The following RAD51B variants were observed in gnomAD, a reference collection of about 807,000 sequenced individuals.
The protein encoded by RAD51B is RAD51 paralog B, also known as DNA repair protein RAD51 homolog 2.
In RAD51B, 38 loss-of-function variants were observed where a neutral mutation model predicts 42.2. The observed-to-expected ratio is 0.90, with a 90% CI of 0.70 to 1.18. The LOEUF (loss-of-function observed/expected upper bound fraction) is 1.18, where lower values mean the gene tolerates loss of function less well. Ranked by LOEUF, RAD51B falls within the 50% of genes most tolerant of loss-of-function variation. RAD51B has a pLI of 0.00. For missense variants in RAD51B, 373 were observed against 400.7 expected (o/e 0.93, Z 0.59); for synonymous variants, 154 against 145.2 (o/e 1.06, Z -0.43).
intron 7 of RAD51B, among the ~76,000 whole-genome samples, chr14:68,252,591 CT>C (rs1361374317): frequency 3.3e-5 from 5 of 152,096 alleles, no homozygotes; most frequent in Non-Finnish European, 5.9e-5. Flanking sequence ...TGTTTTGCAA[CT>C]TGTTTCTTTT....
chr14:68,648,674 A>AACACACACACACACACAC lies in RAD51B; in HGVS notation c.1037-2083_1037-2066dup, dbSNP rs35200852. The stretch of plus-strand genomic sequence containing the variant: ...AGCTCAATAATGGTAAAAGCACACA[A>AACACACACACACACACAC]ACACACACACACACACACACACACA... On this transcript the variant is annotated intron_variant, in intron 10 of 11. Coordinates refer to the RAD51B transcript ENST00000488612. Among the ~76,000 whole-genome samples the AACACACACACACACACAC allele has an allele frequency of 8.1e-4, 117 of 143,716 alleles. 2 individuals are homozygous for AACACACACACACACACAC. In the South Asian group the frequency reaches 0.01, roughly 13 times the overall value. The allele number at this position is 143,716 out of a possible 152,430, so 94.3% of individuals were successfully genotyped here. A position where few individuals can be genotyped will look rare whatever the true frequency, so the allele number is the denominator to read the frequency against.
intron 10 of RAD51B, among the ~76,000 whole-genome samples, chr14:68,531,109 A>G (rs1187971762): frequency 6.6e-6 from 1 of 152,000 alleles, no homozygotes; most frequent in Non-Finnish European, 1.5e-5. Flanking sequence ...CCAACAAAGG[A>G]GAAAGCAGAA....
chr14:68,554,819 T>C (rs1888748993), intron 10 of RAD51B, among the ~76,000 whole-genome samples: 1 of 152,118 alleles, frequency 6.6e-6, no homozygotes, highest in Non-Finnish European at 1.5e-5. Context: ...AATTGTTGAA[T>C]GAATAGCAGC....
At chr14:67,994,879 T>G (rs2075355421) in intron 7 of RAD51B, among the ~76,000 whole-genome samples, 2 of 152,150 alleles carry the variant, frequency 1.3e-5, no homozygotes, top group African/African-American at 2.4e-5. Context: ...ATGTCATCAG[T>G]AGATGAATGA....
At position 67,870,659 on chromosome 14, in the gene RAD51B, A is replaced by G. The variant is rs1374420463; in HGVS notation, c.452+5520A>G. 1.3e-4 allele frequency among the ~76,000 whole-genome samples: 13 copies of G among 99,074 alleles called. 1 individual carries two copies. In the South Asian group the frequency reaches 4.6e-3, roughly 35 times the overall value. The allele number at this position is 99,074 out of a possible 152,430, so 65.0% of individuals were successfully genotyped here. A position where few individuals can be genotyped will look rare whatever the true frequency, so the allele number is the denominator to read the frequency against. On this transcript the variant is annotated intron_variant, in intron 5 of 10. Transcript: ENST00000471583. ...TTTTTTTCAGCACCACACCACACCT[A>G]TTCCAAAATTGACCACATACTTGGA...
chr14:68,167,381 C>T (rs757594543), intron 7 of RAD51B, among the ~76,000 whole-genome samples: 2 of 152,188 alleles, frequency 1.3e-5, no homozygotes, highest in Non-Finnish European at 2.9e-5. Flanking sequence ...TGTATCCCAT[C>T]ATACCCTGTA....
chr14:68,642,097 T>C (rs1892473837), intron 10 of RAD51B, among the ~76,000 whole-genome samples: 1 of 152,248 alleles, frequency 6.6e-6, no homozygotes, highest in South Asian at 2.1e-4. Context: ...ATTTTTGTTA[T>C]TAGGGTAATC....
At chr14:68,250,902 A>G (rs2080614771) in intron 7 of RAD51B, among the ~76,000 whole-genome samples, 1 of 152,234 alleles carries the variant, frequency 6.6e-6, no homozygotes, top group African/African-American at 2.4e-5. Context: ...TGGCACCTCC[A>G]CCTTCATGGA....
downstream of RAD51B, among the ~76,000 whole-genome samples, chr14:68,613,778 G>A (rs951749253): frequency 1.3e-5 from 2 of 152,164 alleles, no homozygotes; most frequent in African/African-American, 4.8e-5. Context: ...AAATGGCTAA[G>A]AGCCTTCATA....
chr14:68,045,722 T>C (rs1280561028), intron 7 of RAD51B, among the ~76,000 whole-genome samples: 1 of 152,166 alleles, frequency 6.6e-6, no homozygotes, highest in East Asian at 1.9e-4. Flanking sequence ...AAACTCAGTA[T>C]TTATTACTGT....
At chr14:68,501,977 C>G (rs1347625418) in intron 10 of RAD51B, among the ~76,000 whole-genome samples, 1 of 152,220 alleles carries the variant, frequency 6.6e-6, no homozygotes, top group Non-Finnish European at 1.5e-5. Context: ...TCTGCCCTGC[C>G]CAATGCCCAG....
intron 7 of RAD51B, among the ~76,000 whole-genome samples, chr14:68,098,841 G>A (rs1299803115): frequency 6.6e-6 from 1 of 152,188 alleles, no homozygotes; most frequent in Admixed American, 6.5e-5. Flanking sequence ...TCTAAAGAGG[G>A]AGCCTTTGAG....
rs1027283222 is a variant in RAD51B, at chr14:68,595,629, T to A, written c.*1026T>A. The A allele has an allele frequency of 7.6e-6, 8 of 1,058,082 alleles. No individual in the cohort carries two copies. The Admixed American group carries it at 3.2e-4, about 42-fold the overall frequency. The allele number at this position is 1,058,082 out of a possible 1,614,324, so 65.5% of individuals were successfully genotyped here. Reference sequence around the variant, plus strand: ...GAGTCAGTCTCCCCAATGTCTACATTGTGTTATTTATACTAGCAAAAAAAT... The same window carrying A: ...GAGTCAGTCTCCCCAATGTCTACATAGTGTTATTTATACTAGCAAAAAAAT... On this transcript the variant is annotated 3_prime_UTR_variant, in exon 11 of 11. Coordinates refer to the RAD51B transcript ENST00000487270.
chr14:68,268,154 G>A (rs1243371492), intron 7 of RAD51B, among the ~76,000 whole-genome samples: 6 of 152,096 alleles, frequency 3.9e-5, no homozygotes, highest in Non-Finnish European at 2.9e-5. Context: ...GGTCAATTTT[G>A]TCCTACCATT....
intron 11 of RAD51B, among the ~76,000 whole-genome samples, chr14:68,668,962 A>C (rs1893093269): frequency 6.6e-6 from 1 of 152,272 alleles, no homozygotes. Flanking sequence ...GGAAAGAAAG[A>C]GGATTTCAAG....
intron 7 of RAD51B, among the ~76,000 whole-genome samples, chr14:68,206,676 A>AT (rs1191775941): frequency 0.033 from 4,399 of 131,458 alleles, 163 homozygotes; most frequent in African/African-American, 0.098. Flanking sequence ...TCCACCGTCT[A>AT]TTTTTTTTTT....
chr14:68,419,255 A>G (rs1014653743), intron 9 of RAD51B, among the ~76,000 whole-genome samples: 1 of 152,168 alleles, frequency 6.6e-6, no homozygotes, highest in African/African-American at 2.4e-5. Context: ...CAGAAATTCA[A>G]TTCTTTCAAT....
intron 10 of RAD51B, among the ~76,000 whole-genome samples, chr14:68,527,127 C>G (rs1449632899): frequency 6.6e-6 from 1 of 152,150 alleles, no homozygotes; most frequent in Admixed American, 6.5e-5. Context: ...ATAACGATGA[C>G]CAAAACAAAA....
intron 7 of RAD51B, among the ~76,000 whole-genome samples, chr14:68,180,957 G>A (rs983555696): frequency 5.9e-5 from 9 of 152,190 alleles, no homozygotes; most frequent in African/African-American, 2.2e-4. Context: ...CCTCCACATA[G>A]CAGGTGAGGG....
Sources: allele counts gnomAD v4.1 joint callset (sites outside exome capture counted in the v4.1 genomes callset), GRCh38; gene constraint gnomAD v4.1.1; transcripts MANE v1.5; gene names NCBI Gene and HGNC (gene_info 2026-07-23, HGNC 2026-07-21).